Variants in DENND11 observed in about 807,000 individuals in gnomAD.
The protein encoded by DENND11 is DENN domain containing 11.
DENND11 carries 34 observed loss-of-function variants against 49.2 expected under a neutral mutation model. The ratio of observed to expected loss-of-function variants is 0.69; its 90% CI spans 0.53 to 0.92. The LOEUF (loss-of-function observed/expected upper bound fraction) is 0.92, where lower values mean the gene tolerates loss of function less well. Among genes scored for constraint, DENND11 ranks in the 40% least tolerant of loss-of-function variants. The pLI, the probability that DENND11 is intolerant of heterozygous loss-of-function variation, is 0.00. For synonymous variants in DENND11, 238 were observed against 230.3 expected, an observed-to-expected ratio of 1.03 and a Z score of -0.30; for missense variants, 475 against 581.6, an observed-to-expected ratio of 0.82 and a Z score of 1.88.
intron 3 of DENND11, among the ~76,000 whole-genome samples, chr7:141,679,164 T>G (rs926606002): frequency 1.3e-5 from 2 of 152,218 alleles, no homozygotes; most frequent in Non-Finnish European, 2.9e-5. Flanking sequence ...TAACTGTGCT[T>G]CTTTCTTTTC....
intron 7 of DENND11, 109 bp downstream of exon 7, chr7:141,664,795 G>C (rs1797862081): frequency 7.9e-7 from 1 of 1,259,060 alleles, no homozygotes; most frequent in African/African-American, 1.5e-5. Flanking sequence ...CATGGAGACT[G>C]GGAGAAATGT....
At position 141,660,464 on chromosome 7, in the gene DENND11, C is replaced by T. The variant is rs1368718773; in HGVS notation, c.*2192G>A. Reference sequence around the variant, plus strand: ...TTAAGGGAACCCAGAAGCCCTGACTCACCATTCAAAGGAAAAAACAGGAAC... The same window carrying T: ...TTAAGGGAACCCAGAAGCCCTGACTTACCATTCAAAGGAAAAAACAGGAAC... On this transcript the variant is annotated 3_prime_UTR_variant, in exon 9 of 9. Coordinates refer to ENST00000536163, the MANE Select transcript of DENND11 (RefSeq NM_001080392.2). 2.0e-5 allele frequency: 3 copies of T among 152,186 alleles called. No homozygotes were observed. Among genetic ancestry groups the T allele is most frequent in the Non-Finnish European group, 4.4e-5 (3 of 68,060 alleles). The allele number at this position is 152,186 out of a possible 1,614,324, so 9.4% of individuals were successfully genotyped here.
At chr7:141,686,442 T>G (rs944267626) in intron 2 of DENND11, 117 bp downstream of exon 2, 77 of 657,030 alleles carry the variant, frequency 1.2e-4, no homozygotes, top group South Asian at 1.1e-3. Context: ...ATCCATGTAT[T>G]TTCAAGGCAT....
rs932586846 is a variant in DENND11, at chr7:141,686,666, A to T, written c.269-8T>A. 13 of 1,595,026 alleles carry T rather than the reference A, an allele frequency of 8.2e-6. No individual in the cohort carries two copies. Among genetic ancestry groups the T allele is most frequent in the Non-Finnish European group, 9.4e-6 (11 of 1,164,860 alleles). On this transcript the variant is annotated splice_region_variant and splice_polypyrimidine_tract_variant and intron_variant, in intron 1 of 8. Transcript: ENST00000536163. ...ACCATTCTACCATGTTTCCTGCAGG[A>T]AAAGGAAGATGCAAGTTAAAAGAAA...
intron 3 of DENND11, among the ~76,000 whole-genome samples, chr7:141,676,735 T>C (rs533822380): frequency 6.6e-6 from 1 of 151,866 alleles, no homozygotes; most frequent in African/African-American, 2.4e-5. Flanking sequence ...AGGCTCAGAG[T>C]GCTGGATGAT....
chr7:141,702,062 C>T lies in DENND11; in HGVS notation c.92G>A (p.Gly31Asp). Residue 31 changes from glycine to aspartate, a missense_variant, in exon 1 of 9, where the codon GGC becomes GAC. By Grantham distance (94) the Gly-to-Asp change is moderately conservative. Coordinates refer to ENST00000536163, the MANE Select transcript of DENND11 (RefSeq NM_001080392.2). The part of the protein sequence containing the change: ...LPQAPQPQAG[G>D]WGRGGGGGAR... The stretch of plus-strand genomic sequence containing the variant: ...GCCCCCGCCGCCGCCCCGGCCCCAG[C>T]CTCCCGCCTGCGGCTGCGGGGCCTG... 2.0e-6 allele frequency: 2 copies of T among 990,004 alleles called. No individual in the cohort carries two copies. Among genetic ancestry groups the T allele is most frequent in the Non-Finnish European group, 2.4e-6 (2 of 834,430 alleles). 61.3% of individuals were successfully genotyped at this position (990,004 alleles called of 1,614,324 possible). A position where few individuals can be genotyped will look rare whatever the true frequency, so the allele number is the denominator to read the frequency against.
In DENND11 at chr7:141,664,255, A is replaced by G; in HGVS notation, c.1104-15T>C. 6.4e-7 allele frequency: 1 copy of G among 1,571,836 alleles called. No homozygotes were observed. The highest frequency in any genetic ancestry group is 8.7e-7 in the Non-Finnish European group (1 of 1,155,868). On this transcript the variant is annotated splice_polypyrimidine_tract_variant and intron_variant, in intron 7 of 8. Coordinates refer to ENST00000536163, the MANE Select transcript of DENND11 (RefSeq NM_001080392.2). ...ACAGCATCTGCCTGTTGGGAAGATC[A>G]CCGTGAGACTCTGGTGCAGGTACCA...
At position 141,685,340 on chromosome 7, in the gene DENND11, G is replaced by A. The variant is rs1798221505; in HGVS notation, c.527+138C>T. The stretch of plus-strand genomic sequence containing the variant: ...GCTGAAACGAAAGGACACCACCCGA[G>A]GCGTGAAACATCGCCATGGATGTTC... On this transcript the variant is annotated intron_variant, in intron 3 of 8. Coordinates refer to ENST00000536163, the MANE Select transcript of DENND11 (RefSeq NM_001080392.2). 3 of 1,057,076 alleles carry A rather than the reference G, an allele frequency of 2.8e-6. No individual in the cohort carries two copies. The African/African-American group carries it at 4.7e-5, about 17-fold the overall frequency. The allele number at this position is 1,057,076 out of a possible 1,614,324, so 65.5% of individuals were successfully genotyped here.
chr7:141,664,873 A>G (rs1420709777), intron 7 of DENND11, 31 bp downstream of exon 7: 5 of 1,593,406 alleles, frequency 3.1e-6, no homozygotes, highest in Non-Finnish European at 4.3e-6. Flanking sequence ...AGGAGGGTGG[A>G]GCCCCTGGTT....
rs1003587584 is a variant in DENND11, at chr7:141,669,960, G to A, written c.682-3535C>T. Among the ~76,000 whole-genome samples the A allele has an allele frequency of 2.0e-5, 3 of 151,018 alleles. 1 individual carries two copies. Among genetic ancestry groups the A allele is most frequent in the African/African-American group, 4.9e-5 (2 of 41,002 alleles). ...CGAGTAGCTGGGACTACAGGCGCCCGCCACCTCGCCCGGCTAATTTTTTGT... is the reference window on the plus strand; with the variant it reads ...CGAGTAGCTGGGACTACAGGCGCCCACCACCTCGCCCGGCTAATTTTTTGT... On this transcript the variant is annotated intron_variant, in intron 4 of 8. Coordinates refer to ENST00000536163, the MANE Select transcript of DENND11 (RefSeq NM_001080392.2).
intron 3 of DENND11, among the ~76,000 whole-genome samples, chr7:141,674,806 C>T (rs1798040671): frequency 6.6e-6 from 1 of 152,192 alleles, no homozygotes; most frequent in African/African-American, 2.4e-5. Flanking sequence ...TCTCTGCCCG[C>T]TCCACCAGCT....
chr7:141,675,440 T>A (rs1170049234), intron 3 of DENND11, among the ~76,000 whole-genome samples: 1 of 152,164 alleles, frequency 6.6e-6, no homozygotes, highest in Non-Finnish European at 1.5e-5. Flanking sequence ...GAGGGAGGAA[T>A]AAAAAGCGAC....
At chr7:141,694,901 T>C (rs1798388327) in intron 1 of DENND11, among the ~76,000 whole-genome samples, 1 of 152,188 alleles carries the variant, frequency 6.6e-6, no homozygotes, top group Non-Finnish European at 1.5e-5. Context: ...GTCACAGTTT[T>C]GCCTCTGATT....
intron 7 of DENND11, 107 bp downstream of exon 7, chr7:141,664,797 G>A: frequency 7.8e-7 from 1 of 1,274,388 alleles, no homozygotes; most frequent in Non-Finnish European, 1.1e-6. Context: ...TGGAGACTGG[G>A]AGAAATGTGT....
intron 1 of DENND11, among the ~76,000 whole-genome samples, chr7:141,690,497 A>C (rs955454366): frequency 2.0e-5 from 3 of 152,134 alleles, no homozygotes; most frequent in Admixed American, 1.3e-4. Context: ...CCTTATATAG[A>C]TTGTCTAACA....
chr7:141,664,889 C>T lies in DENND11; in HGVS notation c.1103+15G>A. ...GGAGGGTGGAGCCCCTGGTTCTCCC[C>T]TTAGCTGCCACTACCTCTGCTCGTT... On this transcript the variant is annotated intron_variant, in intron 7 of 8. Transcript: ENST00000536163. The T allele has an allele frequency of 6.2e-7, 1 of 1,606,018 alleles. No homozygotes were observed. Among genetic ancestry groups the T allele is most frequent in the Non-Finnish European group, 8.5e-7 (1 of 1,175,900 alleles).
Position 141,656,887 on chromosome 7 carries a change from T to TA in DENND11, c.*5768dup, listed in dbSNP as rs1429239330. The stretch of plus-strand genomic sequence containing the variant: ...AATCAATTCAAGAAACATTTACTTT[T>TA]AGCTTCAGGATTAACCCCAGCTTTC... On this transcript the variant is annotated 3_prime_UTR_variant, in exon 9 of 9. Transcript: ENST00000536163. 1 of 153,128 alleles carries TA rather than the reference T, an allele frequency of 6.5e-6. No individual in the cohort carries two copies. Among genetic ancestry groups the TA allele is most frequent in the East Asian group, 1.9e-4 (1 of 5,202 alleles). 9.5% of individuals were successfully genotyped at this position (153,128 alleles called of 1,614,324 possible).
At chr7:141,692,775 T>A (rs1475339282) in intron 1 of DENND11, among the ~76,000 whole-genome samples, 1 of 151,202 alleles carries the variant, frequency 6.6e-6, no homozygotes. Flanking sequence ...AGCCCAGGAG[T>A]TCAAGGCTAC....
Position 141,666,362 on chromosome 7 carries a change from G to T in DENND11, c.745C>A (p.Leu249Ile). 1 of 1,613,396 alleles carries T rather than the reference G, an allele frequency of 6.2e-7. No homozygotes were observed. The highest frequency in any genetic ancestry group is 8.5e-7 in the Non-Finnish European group (1 of 1,179,532). ...IKFFGEQILI[L>I]WKFALLRKRI... is the part of the protein sequence containing the mutation. ...TTTCGAAGTAAGGCAAATTTCCAGAGGATGAGGATCTGTTCTCCAAAGAAC... is the reference window on the plus strand; with the variant it reads ...TTTCGAAGTAAGGCAAATTTCCAGATGATGAGGATCTGTTCTCCAAAGAAC... Residue 249 changes from leucine (L) to isoleucine (I), a missense_variant, in exon 5 of 9, where the codon CTC becomes ATC. Leu to Ile is a conservative substitution (Grantham distance 5). Transcript: ENST00000536163.
Sources: gnomAD v4.1 joint callset for allele counts (sites outside exome capture counted in the v4.1 genomes callset) on GRCh38, gnomAD v4.1.1 for gene constraint, MANE v1.5 for transcripts, NCBI Gene and HGNC (gene_info 2026-07-23, HGNC 2026-07-21) for gene names.